IKZF2: variants seen among roughly 807,000 people sequenced by gnomAD.
IKZF2 encodes IKAROS family zinc finger 2.
A neutral mutation model predicts 49.2 loss-of-function variants in IKZF2; 15 were observed. The ratio of observed to expected loss-of-function variants is 0.30; its 90% confidence interval spans 0.20 to 0.47. The LOEUF is 0.47. Among genes scored for constraint, IKZF2 ranks in the 20% least tolerant of loss-of-function variants. The pLI, the probability that IKZF2 is intolerant of heterozygous loss-of-function variation, is 1.00. For synonymous variants in IKZF2, 227 were observed against 221.4 expected, an observed-to-expected ratio of 1.03 and a Z score of -0.23; for missense variants, 567 against 664.6, an observed-to-expected ratio of 0.85 and a Z score of 1.61.
intron 6 of IKZF2, among the ~76,000 whole-genome samples, chr2:213,029,721 T>C (rs1221367701): frequency 5.9e-5 from 9 of 152,066 alleles, no homozygotes; most frequent in Non-Finnish European, 7.4e-5. Flanking sequence ...ATTATAATTT[T>C]CCCAAATGGA....
intron 6 of IKZF2, among the ~76,000 whole-genome samples, chr2:213,034,174 A>T (rs1213474847): frequency 6.6e-6 from 1 of 152,164 alleles, no homozygotes; most frequent in African/African-American, 2.4e-5. Context: ...CTTCCTCAGG[A>T]TTAGGCTTTG....
At chr2:213,076,654 T>C (rs781706131) in intron 4 of IKZF2, among the ~76,000 whole-genome samples, 5 of 152,230 alleles carry the variant, frequency 3.3e-5, no homozygotes, top group Non-Finnish European at 5.9e-5. Flanking sequence ...TCCCTATACT[T>C]AATACCATGG....
intron 4 of IKZF2, among the ~76,000 whole-genome samples, chr2:213,074,862 A>T (rs1703089791): frequency 6.6e-6 from 1 of 152,208 alleles, no homozygotes; most frequent in Non-Finnish European, 1.5e-5. Flanking sequence ...AATTTATTAC[A>T]ATTGTATTTA....
chr2:213,112,461 CTTCT>C (rs1247478847), intron 4 of IKZF2, among the ~76,000 whole-genome samples: 3 of 150,446 alleles, frequency 2.0e-5, no homozygotes, highest in Non-Finnish European at 3.0e-5. Flanking sequence ...TAGTTCTTTC[CTTCT>C]TTCTTTTTTT....
At chr2:213,034,021 C>G (rs1307091655) in intron 6 of IKZF2, among the ~76,000 whole-genome samples, 1 of 152,258 alleles carries the variant, frequency 6.6e-6, no homozygotes, top group Non-Finnish European at 1.5e-5. Flanking sequence ...TACATCAGCA[C>G]TTGCTGCCTC....
rs557005444 is a variant in IKZF2, at chr2:213,074,718, G to A, written c.140-17619C>T. The stretch of plus-strand genomic sequence containing the variant: ...TCACTAAGAATCTAGATTCTGTTCT[G>A]TACTTTGGTCTTTGCCAAGTTTTGC... On this transcript the variant is annotated intron_variant, in intron 4 of 8. Transcript: ENST00000434687. Among the ~76,000 whole-genome samples the A allele has an allele frequency of 1.4e-4, 21 of 152,190 alleles. No homozygotes were observed. In the South Asian group the frequency reaches 4.3e-3, roughly 31 times the overall value.
intron 5 of IKZF2, among the ~76,000 whole-genome samples, chr2:213,052,305 T>G (rs530910078): frequency 6.6e-6 from 1 of 152,098 alleles, no homozygotes; most frequent in South Asian, 2.1e-4. Flanking sequence ...CCCAAGGACA[T>G]GGGAAGTAAA....
intron 6 of IKZF2, among the ~76,000 whole-genome samples, chr2:213,027,541 T>G (rs535944582): frequency 6.6e-6 from 1 of 152,192 alleles, no homozygotes; most frequent in South Asian, 2.1e-4. Context: ...TCACAACCAT[T>G]GGCACCCCTT....
At chr2:213,072,225 A>G (rs940069463) in intron 4 of IKZF2, among the ~76,000 whole-genome samples, 1 of 152,048 alleles carries the variant, frequency 6.6e-6, no homozygotes, top group Non-Finnish European at 1.5e-5. Context: ...GAAATATAAG[A>G]AAGGAGTAAC....
chr2:213,056,788 T>C (rs777698432), intron 5 of IKZF2, 45 bp downstream of exon 5: 1 of 1,608,176 alleles, frequency 6.2e-7, no homozygotes, highest in Admixed American at 1.7e-5. Flanking sequence ...AATATCAACA[T>C]CAGATGTCAC....
intron 4 of IKZF2, among the ~76,000 whole-genome samples, chr2:213,087,035 A>C (rs1704699234): frequency 1.3e-5 from 2 of 152,148 alleles, no homozygotes; most frequent in African/African-American, 4.8e-5. Context: ...TATTTACTCT[A>C]TTCTGAATAA....
intron 4 of IKZF2, among the ~76,000 whole-genome samples, chr2:213,116,704 A>C (rs6734174): frequency 0.39 from 59,243 of 152,062 alleles, 13,046 homozygotes; most frequent in South Asian, 0.55. Flanking sequence ...GCATCACTGC[A>C]CTCAAGCCTG....
intron 8 of IKZF2, among the ~76,000 whole-genome samples, chr2:213,009,953 G>A (rs1056147303): frequency 2.6e-5 from 4 of 152,054 alleles, no homozygotes; most frequent in Non-Finnish European, 2.9e-5. Flanking sequence ...AAACAAGTGC[G>A]AAAGACAAGT....
chr2:213,030,511 T>A (rs527751032), intron 6 of IKZF2, among the ~76,000 whole-genome samples: 7 of 152,256 alleles, frequency 4.6e-5, no homozygotes, highest in Admixed American at 4.6e-4. Flanking sequence ...GGTGGGGGGA[T>A]GAATGTTAAA....
chr2:213,011,415 G>A (rs1251962304), intron 8 of IKZF2, among the ~76,000 whole-genome samples: 1 of 151,880 alleles, frequency 6.6e-6, no homozygotes, highest in East Asian at 1.9e-4. Flanking sequence ...TATCTGGGGG[G>A]CCAGGATAGG....
At chr2:213,083,384 C>CTTTTTTTTTTTTTTT (rs753296985) in intron 4 of IKZF2, among the ~76,000 whole-genome samples, 3 of 80,156 alleles carry the variant, frequency 3.7e-5, no homozygotes, top group African/African-American at 6.0e-5. Context: ...GACGGCGAAC[C>CTTTTTTTTTTTTTTT]TTTTTTTTTT....
Position 213,008,102 on chromosome 2 carries a change from G to A in IKZF2, c.857-18C>T, listed in dbSNP as rs770383839. ...CTTTTCCCCTGGAAGGGAGTGGGAG[G>A]TGAAAGAAGTAAAAAAAAAAAAAAA... On this transcript the variant is annotated intron_variant, in intron 8 of 8. Transcript: ENST00000434687. The A allele has an allele frequency of 6.6e-7, 1 of 1,524,396 alleles. No homozygotes were observed. The allele number at this position is 1,524,396 out of a possible 1,614,324, so 94.4% of individuals were successfully genotyped here.
At chr2:213,041,495 G>C (rs763134269) in intron 6 of IKZF2, among the ~76,000 whole-genome samples, 1 of 151,918 alleles carries the variant, frequency 6.6e-6, no homozygotes, top group Non-Finnish European at 1.5e-5. Context: ...GTAGAAACAC[G>C]GTTTCACCAT....
At chr2:213,113,438 T>C (rs565208974) in intron 4 of IKZF2, among the ~76,000 whole-genome samples, 5 of 152,292 alleles carry the variant, frequency 3.3e-5, no homozygotes, top group African/African-American at 9.6e-5. Flanking sequence ...AAGTTAACTT[T>C]AGAGCCCATG....
Sources: allele counts gnomAD v4.1 joint callset (sites outside exome capture counted in the v4.1 genomes callset), GRCh38; gene constraint gnomAD v4.1.1; transcripts MANE v1.5; gene names NCBI Gene and HGNC (gene_info 2026-07-23, HGNC 2026-07-21).